The following FBXW11 variants were observed in gnomAD, a reference collection of about 807,000 sequenced individuals.
The protein encoded by FBXW11 is F-box/WD repeat-containing protein 11.
Under a neutral mutation model 77.6 loss-of-function variants are expected in FBXW11, and 19 were observed. That is an observed-to-expected ratio of 0.24 (90% CI 0.17 to 0.36). The LOEUF (loss-of-function observed/expected upper bound fraction) is 0.36, where lower values mean the gene tolerates loss of function less well. Among genes scored for constraint, FBXW11 ranks in the 10% least tolerant of loss-of-function variants. The pLI is 1.00. For missense variants in FBXW11, 334 were observed against 704.2 expected, an observed-to-expected ratio of 0.47 and a Z score of 5.95; for synonymous variants, 235 against 249.4, an observed-to-expected ratio of 0.94 and a Z score of 0.54.
chr5:171,958,608 A>C (rs1314920107), intron 1 of FBXW11, among the ~76,000 whole-genome samples: 2 of 152,248 alleles, frequency 1.3e-5, no homozygotes, highest in Non-Finnish European at 2.9e-5. Flanking sequence ...CTCTTTTAAA[A>C]GCTTGCTGAT....
intron 1 of FBXW11, among the ~76,000 whole-genome samples, chr5:171,978,642 A>T (rs1764972738): frequency 2.0e-5 from 3 of 152,220 alleles, no homozygotes; most frequent in Admixed American, 2.0e-4. Context: ...TGCCATGGAC[A>T]GTATGCAGAG....
chr5:171,987,418 G>C (rs529705664), intron 1 of FBXW11, among the ~76,000 whole-genome samples: 1 of 151,820 alleles, frequency 6.6e-6, no homozygotes, highest in Non-Finnish European at 1.5e-5. Flanking sequence ...ACTTCTGCTC[G>C]AGCCTCAAAG....
chr5:171,981,095 A>G (rs1434886596), intron 1 of FBXW11, among the ~76,000 whole-genome samples: 2 of 152,110 alleles, frequency 1.3e-5, no homozygotes, highest in South Asian at 4.1e-4. Flanking sequence ...CCAATGCCCA[A>G]TGATTAATCA....
intron 1 of FBXW11, among the ~76,000 whole-genome samples, chr5:171,971,917 G>A (rs868518320): frequency 7.2e-5 from 11 of 152,020 alleles, no homozygotes; most frequent in Middle Eastern, 3.4e-3. Flanking sequence ...CTGGGAAGTC[G>A]AGGCTGCAGT....
intron 1 of FBXW11, chr5:171,997,177 CCT>C (rs1189950530): frequency 1.2e-5 from 8 of 675,082 alleles, no homozygotes; most frequent in African/African-American, 1.9e-5. Context: ...AGTTATAACC[CCT>C]GAGTCAGCTA....
chr5:171,938,115 T>C (rs185441582), intron 2 of FBXW11, among the ~76,000 whole-genome samples: 26 of 152,376 alleles, frequency 1.7e-4, no homozygotes, highest in Admixed American at 7.2e-4. Flanking sequence ...TGAAGTGCAG[T>C]GGCACGATCA....
At chr5:171,870,667 TAC>T in intron 11 of FBXW11, 79 bp downstream of exon 11, 2 of 1,042,254 alleles carry the variant, frequency 1.9e-6, no homozygotes, top group Admixed American at 1.9e-5. Context: ...ACCTGGTACA[TAC>T]AGAGTTGCTT....
chr5:171,939,425 T>C (rs1277167698), intron 2 of FBXW11, among the ~76,000 whole-genome samples: 3 of 150,086 alleles, frequency 2.0e-5, no homozygotes, highest in Non-Finnish European at 4.5e-5. Flanking sequence ...TCCCCAGGCG[T>C]GGTGGCTACA....
intron 1 of FBXW11, among the ~76,000 whole-genome samples, chr5:171,999,015 G>C (rs537254992): frequency 1.2e-4 from 18 of 152,188 alleles, no homozygotes; most frequent in African/African-American, 3.4e-4. Flanking sequence ...TAAAGTGACT[G>C]AAATACCGGT....
intron 1 of FBXW11, among the ~76,000 whole-genome samples, chr5:171,969,618 G>T (rs1388271721): frequency 2.6e-5 from 4 of 152,196 alleles, no homozygotes; most frequent in Admixed American, 2.6e-4. Context: ...AACGGAAAAA[G>T]ATGGCTAAAT....
At chr5:171,899,867 T>C (rs922696291) in intron 5 of FBXW11, 47 bp downstream of exon 5, 2 of 1,488,340 alleles carry the variant, frequency 1.3e-6, no homozygotes, top group Non-Finnish European at 1.8e-6. Flanking sequence ...AAGCTGACTC[T>C]ATGTCAATAA....
At chr5:171,999,412 T>C (rs920536013) in intron 1 of FBXW11, among the ~76,000 whole-genome samples, 2 of 151,612 alleles carry the variant, frequency 1.3e-5, no homozygotes, top group African/African-American at 4.9e-5. Flanking sequence ...TATATATATA[T>C]ATACACACAC....
rs746192325 is a variant in FBXW11, at chr5:171,876,497, A to G, written c.1009T>C (p.Leu337=). Reference sequence around the variant, plus strand: ...AATACAGCCTCATTGTGGTGGATCAATGTGTTAAGAACTTCACCCGTGTTC... The same window carrying G: ...AATACAGCCTCATTGTGGTGGATCAGTGTGTTAAGAACTTCACCCGTGTTC... ...DVNTGEVLNT[L]IHHNEAVLHL... is the part of the protein sequence containing the mutation. The change falls in exon 9 of 14, where the codon TTG becomes CTG. Residue 337 remains leucine (L), a synonymous_variant. Coordinates refer to ENST00000517395, the MANE Select transcript of FBXW11 (RefSeq NM_001378974.1). This position sits in a 1 kb window ranked among gnomAD's most constrained non-coding sequence, Gnocchi z 4.2. 6.2e-6 allele frequency: 10 copies of G among 1,614,210 alleles called. No individual in the cohort carries two copies. In the Admixed American group the frequency reaches 6.7e-5, roughly 11 times the overall value.
intron 3 of FBXW11, 55 bp downstream of exon 3, chr5:171,914,288 G>T: frequency 7.0e-7 from 1 of 1,429,710 alleles, no homozygotes; most frequent in East Asian, 2.4e-5. Context: ...AACTGAGGGA[G>T]CATCCTATCT....
At position 171,964,246 on chromosome 5, in the gene FBXW11, C is replaced by G. The variant is rs534212644; in HGVS notation, c.46-6548G>C. 2.6e-5 allele frequency among the ~76,000 whole-genome samples: 4 copies of G among 152,334 alleles called. No homozygotes were observed. In the East Asian group the frequency reaches 7.7e-4, roughly 29 times the overall value. On this transcript the variant is annotated intron_variant, in intron 1 of 13. Coordinates refer to ENST00000517395, the MANE Select transcript of FBXW11 (RefSeq NM_001378974.1). ...CCTTTTTTCTCCCCCCACAAAACTT[C>G]CACCAGGCCCTACTGATAGAATATC...
intron 1 of FBXW11, among the ~76,000 whole-genome samples, chr5:172,006,094 G>A (rs969311348): frequency 2.0e-5 from 3 of 152,126 alleles, no homozygotes; most frequent in African/African-American, 7.2e-5. Context: ...GCGGGCCTGG[G>A]CCGAAACAGA....
chr5:171,951,305 T>A (rs1030935839), intron 2 of FBXW11, among the ~76,000 whole-genome samples: 1 of 151,862 alleles, frequency 6.6e-6, no homozygotes, highest in Non-Finnish European at 1.5e-5. Flanking sequence ...GGAGGCTGAA[T>A]TGGGAGGATC....
At chr5:171,911,102 G>A (rs1760854697) in intron 3 of FBXW11, among the ~76,000 whole-genome samples, 5 of 152,108 alleles carry the variant, frequency 3.3e-5, no homozygotes, top group Admixed American at 2.6e-4. Context: ...CTCTATACAC[G>A]GGATATATAT....
intron 1 of FBXW11, among the ~76,000 whole-genome samples, chr5:171,997,590 A>G (rs1766136619): frequency 6.6e-6 from 1 of 152,230 alleles, no homozygotes; most frequent in African/African-American, 2.4e-5. Flanking sequence ...AGTGTGCTTC[A>G]AAACATATAA....
Sources: allele counts gnomAD v4.1 joint callset (sites outside exome capture counted in the v4.1 genomes callset), GRCh38; gene constraint gnomAD v4.1.1; non-coding constraint Gnocchi (gnomAD v3.1); transcripts MANE v1.5; gene names NCBI Gene and HGNC (gene_info 2026-07-23, HGNC 2026-07-21).